Variants in KATNA1 observed in about 807,000 individuals in gnomAD.
KATNA1 encodes the protein katanin p60 ATPase-containing subunit A1.
In KATNA1, 42 loss-of-function variants were observed where a neutral mutation model predicts 62.6. The ratio of observed to expected loss-of-function variants is 0.67; its 90% confidence interval spans 0.52 to 0.87. KATNA1 has a LOEUF of 0.87. KATNA1 is among the 40% of genes least tolerant of loss of function. The probability of loss-of-function intolerance (pLI) is 0.00; values close to 1 mark genes in which losing one functional copy is unlikely to be tolerated. For missense variants in KATNA1, 498 were observed against 612.5 expected, an observed-to-expected ratio of 0.81 and a Z score of 1.97; for synonymous variants, 186 against 201.9, an observed-to-expected ratio of 0.92 and a Z score of 0.67.
chr6:149,630,904 T>C (rs1779805136), intron 3 of KATNA1, among the ~76,000 whole-genome samples: 1 of 152,156 alleles, frequency 6.6e-6, no homozygotes, highest in Non-Finnish European at 1.5e-5. Flanking sequence ...AAACACAATA[T>C]ATCTAGGTTC....
intron 3 of KATNA1, among the ~76,000 whole-genome samples, chr6:149,624,162 C>T (rs965139958): frequency 2.6e-5 from 4 of 152,146 alleles, no homozygotes; most frequent in African/African-American, 9.7e-5. Context: ...TAAAATGTCC[C>T]AATGAGCACT....
chr6:149,641,195 G>A (rs1270881508), intron 1 of KATNA1, among the ~76,000 whole-genome samples: 1 of 88,034 alleles, frequency 1.1e-5, no homozygotes, highest in East Asian at 4.0e-4. Flanking sequence ...TTTTTTTTTT[G>A]AGATGGAGTC....
chr6:149,628,399 G>A (rs915301466), intron 3 of KATNA1, among the ~76,000 whole-genome samples: 9 of 150,050 alleles, frequency 6.0e-5, no homozygotes, highest in Admixed American at 4.7e-4. Context: ...GTGAGCCACC[G>A]TGCCTGGCCT....
rs141528834 is a variant in KATNA1, at chr6:149,636,105, A to G, written c.162+2281T>C. Among the ~76,000 whole-genome samples the G allele has an allele frequency of 8.6e-4, 130 of 152,004 alleles. 1 individual carries two copies. In the Middle Eastern group the frequency reaches 0.02, roughly 24 times the overall value. Reference sequence around the variant, plus strand: ...TAAAAAATAAAAATAAAAATAAACTATATATATAATATTGAAATGAAATTT... The same window carrying G: ...TAAAAAATAAAAATAAAAATAAACTGTATATATAATATTGAAATGAAATTT... On this transcript the variant is annotated intron_variant, in intron 2 of 10. Transcript: ENST00000367411.
rs145950818 is a variant in KATNA1, at chr6:149,605,386, C to T, written c.502-604G>A. Among the ~76,000 whole-genome samples the T allele has an allele frequency of 2.7e-3, 412 of 152,222 alleles. 2 individuals are homozygous for T. Among genetic ancestry groups the T allele is most frequent in the African/African-American group, 9.2e-3 (383 of 41,534 alleles). On this transcript the variant is annotated intron_variant, in intron 4 of 10. Coordinates refer to ENST00000367411, the MANE Select transcript of KATNA1 (RefSeq NM_007044.4). ...AGATATACACAAAATGTATTTCAAT[C>T]CTTTAGAGGAGATAAGATTAAAGAC... is the stretch of plus-strand genomic sequence containing the variant.
At position 149,633,083 on chromosome 6, in the gene KATNA1, T is replaced by A. The variant is rs1779912142; in HGVS notation, c.163-167A>T. Among the ~76,000 whole-genome samples, 6 of 151,588 alleles carry A rather than the reference T, an allele frequency of 4.0e-5. No individual in the cohort carries two copies. In the South Asian group the frequency reaches 1.2e-3, roughly 31 times the overall value. On this transcript the variant is annotated intron_variant, in intron 2 of 10. Coordinates refer to ENST00000367411, the MANE Select transcript of KATNA1 (RefSeq NM_007044.4). ...AAATGTTAATAACAGTTTATTAAAT[T>A]TATGTTTTCAATTGCAATTTTTTTT...
At chr6:149,635,155 G>A (rs1780021599) in intron 2 of KATNA1, among the ~76,000 whole-genome samples, 1 of 152,068 alleles carries the variant, frequency 6.6e-6, no homozygotes, top group Non-Finnish European at 1.5e-5. Flanking sequence ...GTTTGTGCCT[G>A]TGGCCCCAGC....
intron 9 of KATNA1, 147 bp downstream of exon 9, chr6:149,597,360 T>C (rs1321373627): frequency 8.6e-7 from 1 of 1,163,144 alleles, no homozygotes; most frequent in African/African-American, 1.6e-5. Context: ...CTATTTAGTA[T>C]TAAGGCATAT....
intron 4 of KATNA1, among the ~76,000 whole-genome samples, chr6:149,611,167 A>G (rs1475147621): frequency 1.3e-5 from 2 of 152,218 alleles, no homozygotes; most frequent in South Asian, 2.1e-4. Flanking sequence ...AAAGCTAAAA[A>G]GGAAAATAAT....
intron 1 of KATNA1, among the ~76,000 whole-genome samples, chr6:149,640,769 G>C (rs1168789703): frequency 2.0e-5 from 3 of 152,188 alleles, no homozygotes; most frequent in South Asian, 2.1e-4. Context: ...GGTTGGTCTC[G>C]ATCTTGGGAC....
chr6:149,638,613 A>G, intron 1 of KATNA1, 53 bp from the exon 2 acceptor site: 1 of 1,282,732 alleles, frequency 7.8e-7, no homozygotes, highest in South Asian at 1.4e-5. Context: ...TCTCTTAAAA[A>G]TAAGTATAGT....
At chr6:149,633,690 G>A (rs1049524588) in intron 2 of KATNA1, among the ~76,000 whole-genome samples, 5 of 151,594 alleles carry the variant, frequency 3.3e-5, no homozygotes, top group Non-Finnish European at 7.4e-5. Context: ...CCAAGATCAC[G>A]CCACTGCACT....
At chr6:149,645,245 C>T (rs533530516) in intron 1 of KATNA1, among the ~76,000 whole-genome samples, 12 of 152,064 alleles carry the variant, frequency 7.9e-5, no homozygotes, top group African/African-American at 2.9e-4. Flanking sequence ...AGATCAAGAC[C>T]ATCCTGGCTA....
chr6:149,600,533 T>C (rs1488444594), intron 7 of KATNA1, among the ~76,000 whole-genome samples: 1 of 151,880 alleles, frequency 6.6e-6, no homozygotes, highest in Non-Finnish European at 1.5e-5. Context: ...CTCAGGAGGC[T>C]AAGGTGGGAG....
chr6:149,597,102 A>G lies in KATNA1; in HGVS notation c.1238T>C (p.Met413Thr). ...AATGTCCGCACCTGAATAACCTTCCATGTTTTCTGCTATACTTGCAAGGTC... is the reference window on the plus strand; with the variant it reads ...AATGTCCGCACCTGAATAACCTTCCGTGTTTTCTGCTATACTTGCAAGGTC... ...DVDLASIAENMEGYSGADITN... is the reference protein window; with the variant it reads ...DVDLASIAENTEGYSGADITN... Residue 413 changes from methionine to threonine, a missense_variant, in exon 10 of 11, where the codon ATG (methionine) becomes ACG (threonine). Around this residue, in one of 3 missense-constraint regions of KATNA1, gnomAD observed 267 missense variants for 372.6 expected, o/e 0.72. Transcript: ENST00000367411. The G allele has an allele frequency of 1.2e-6, 2 of 1,614,160 alleles. No individual in the cohort carries two copies. The highest frequency in any genetic ancestry group is 1.7e-6 in the Non-Finnish European group (2 of 1,180,006).
intron 4 of KATNA1, among the ~76,000 whole-genome samples, chr6:149,615,285 A>T (rs1779128234): frequency 6.6e-6 from 1 of 150,934 alleles, no homozygotes; most frequent in South Asian, 2.1e-4. Flanking sequence ...GCTCACTGCA[A>T]CCTCTGCCTC....
chr6:149,608,100 C>T (rs970945267), intron 4 of KATNA1, among the ~76,000 whole-genome samples: 1 of 152,132 alleles, frequency 6.6e-6, no homozygotes, highest in African/African-American at 2.4e-5. Context: ...TCTTTTAAAG[C>T]TGGCAAAATT....
chr6:149,636,289 A>G (rs1202744307), intron 2 of KATNA1, among the ~76,000 whole-genome samples: 1 of 152,092 alleles, frequency 6.6e-6, no homozygotes, highest in African/African-American at 2.4e-5. Context: ...AATATTTACT[A>G]GGCCGAGCAT....
intron 4 of KATNA1, among the ~76,000 whole-genome samples, chr6:149,610,758 G>A (rs539409860): frequency 2.1e-4 from 32 of 152,204 alleles, no homozygotes; most frequent in Admixed American, 1.8e-3. Flanking sequence ...AAGAAAAAAA[G>A]TCTCAGGCTG....
Sources: gnomAD v4.1 joint callset for allele counts (sites outside exome capture counted in the v4.1 genomes callset) on GRCh38, gnomAD v4.1.1 for gene constraint, gnomAD v4.1.1 regional missense constraint, MANE v1.5 for transcripts, NCBI Gene and HGNC (gene_info 2026-07-23, HGNC 2026-07-21) for gene names.